The following VAT1L variants were observed in gnomAD, a reference collection of about 807,000 sequenced individuals.
VAT1L encodes putative NADPH-dependent quinone oxidoreductase VAT1L.
A neutral mutation model predicts 44.1 loss-of-function variants in VAT1L; 34 were observed. The ratio of observed to expected loss-of-function variants is 0.77; its 90% CI spans 0.59 to 1.03. The LOEUF (loss-of-function observed/expected upper bound fraction) is 1.03. VAT1L is among the 50% of genes least tolerant of loss of function. VAT1L has a pLI of 0.00. For missense variants in VAT1L, 615 were observed against 538.8 expected (o/e 1.14, Z -1.40); for synonymous variants, 253 against 202.2 (o/e 1.25, Z -2.13).
Position 77,914,239 on chromosome 16 carries a change from A to G in VAT1L, c.1077+29437A>G, listed in dbSNP as rs184854110. ...TATAAACTAATGATTTAAAATATGT[A>G]TTAAAAACAAATGGAATAATCATTT... On this transcript the variant is annotated intron_variant, in intron 7 of 8. Coordinates refer to ENST00000302536, the MANE Select transcript of VAT1L (RefSeq NM_020927.3). Among the ~76,000 whole-genome samples, 182 of 152,372 alleles carry G rather than the reference A, an allele frequency of 1.2e-3. 2 individuals carry two copies. The highest frequency in any genetic ancestry group is 3.0e-3 in the Admixed American group (46 of 15,312).
At chr16:77,949,461 T>A (rs1298905205) in intron 7 of VAT1L, among the ~76,000 whole-genome samples, 2 of 152,214 alleles carry the variant, frequency 1.3e-5, no homozygotes, top group Non-Finnish European at 1.5e-5. Context: ...AAACCTCATG[T>A]GGAAATTTGA....
intron 3 of VAT1L, among the ~76,000 whole-genome samples, chr16:77,852,395 A>G (rs1429213463): frequency 6.6e-6 from 1 of 152,204 alleles, no homozygotes; most frequent in Admixed American, 6.5e-5. Context: ...GGATCTGATC[A>G]GGCGTCTCGG....
intron 7 of VAT1L, among the ~76,000 whole-genome samples, chr16:77,946,276 G>GCTCTTT (rs1441996306): frequency 3.0e-5 from 1 of 33,862 alleles, no homozygotes; most frequent in Non-Finnish European, 5.7e-5. Context: ...TAGGTTACTT[G>GCTCTTT]TTCTTTTTTT....
At position 77,910,703 on chromosome 16, in the gene VAT1L, G is replaced by T. The variant is rs142168878; in HGVS notation, c.1077+25901G>T. ...AAAAAAAAAAAAAAAAGAAAGAAAA[G>T]AAAAGAAAAGAATACACTAGGCATC... On this transcript the variant is annotated intron_variant, in intron 7 of 8. Coordinates refer to ENST00000302536, the MANE Select transcript of VAT1L (RefSeq NM_020927.3). 1.2e-3 allele frequency among the ~76,000 whole-genome samples: 169 copies of T among 144,616 alleles called. 2 individuals are homozygous for T. In the East Asian group the frequency reaches 0.031, roughly 26 times the overall value. The allele number at this position is 144,616 out of a possible 152,430, so 94.9% of individuals were successfully genotyped here. A position where few individuals can be genotyped will look rare whatever the true frequency, so the allele number is the denominator to read the frequency against.
rs2018363299 is a variant in VAT1L at position 77,978,337 on chromosome 16, A to G, written c.*642A>G. On this transcript the variant is annotated 3_prime_UTR_variant, in exon 9 of 9. Transcript: ENST00000302536. ...TATCTGTAAACACAGGGAGGCAGGT[A>G]TGGATTTTTCACAGTAGACAATGGG... The G allele has an allele frequency of 6.6e-6, 1 of 152,360 alleles. No homozygotes were observed. Among genetic ancestry groups the G allele is most frequent in the Non-Finnish European group, 1.5e-5 (1 of 68,168 alleles). The allele number at this position is 152,360 out of a possible 1,614,324, so 9.4% of individuals were successfully genotyped here. A position where few individuals can be genotyped will look rare whatever the true frequency, so the allele number is the denominator to read the frequency against.
intron 7 of VAT1L, among the ~76,000 whole-genome samples, chr16:77,962,277 T>G (rs2018167874): frequency 6.6e-6 from 1 of 152,146 alleles, no homozygotes; most frequent in Non-Finnish European, 1.5e-5. Context: ...CATGTGGTCT[T>G]GGGGCCATTT....
intron 4 of VAT1L, among the ~76,000 whole-genome samples, chr16:77,863,102 T>TTGGAAAG: frequency 6.6e-6 from 1 of 152,194 alleles, no homozygotes; most frequent in East Asian, 1.9e-4. Context: ...ATCGGCTAAC[T>TTGGAAAG]TGGAAAGTTA....
At chr16:77,805,639 C>T (rs1323801826) in intron 1 of VAT1L, among the ~76,000 whole-genome samples, 1 of 151,128 alleles carries the variant, frequency 6.6e-6, no homozygotes, top group African/African-American at 2.4e-5. Context: ...AAATGCAGGA[C>T]TGGTTAAAGT....
intron 3 of VAT1L, among the ~76,000 whole-genome samples, chr16:77,852,384 G>A (rs1011457200): frequency 2.1e-4 from 32 of 152,242 alleles, no homozygotes; most frequent in African/African-American, 7.7e-4. Flanking sequence ...CCAGCTGAGG[G>A]GGATCTGATC....
Position 77,825,274 on chromosome 16 carries a change from A to G in VAT1L, c.392A>G (p.Asn131Ser), listed in dbSNP as rs1027490278. The G allele has an allele frequency of 6.2e-6, 10 of 1,613,974 alleles. No individual in the cohort carries two copies. Among genetic ancestry groups the G allele is most frequent in the East Asian group, 2.2e-5 (1 of 44,880 alleles). The change falls in exon 3 of 9, where the codon AAT becomes AGT. Residue 131 changes from asparagine (N) to serine (S), a missense_variant. Coordinates refer to ENST00000302536, the MANE Select transcript of VAT1L (RefSeq NM_020927.3). ...EIGDRVMAFVNYNAWAEVVCT... is the reference protein window; with the variant it reads ...EIGDRVMAFVSYNAWAEVVCT... Reference sequence around the variant, plus strand: ...GGAGACCGTGTCATGGCATTTGTCAATTACAATGCCTGGGCAGAGGTGGTC... The same window carrying G: ...GGAGACCGTGTCATGGCATTTGTCAGTTACAATGCCTGGGCAGAGGTGGTC...
chr16:77,826,463 A>C (rs1032994899), intron 3 of VAT1L, among the ~76,000 whole-genome samples: 1 of 152,252 alleles, frequency 6.6e-6, no homozygotes, highest in African/African-American at 2.4e-5. Context: ...GTACCAGCAC[A>C]CTAGAAATCA....
Position 77,876,372 on chromosome 16 carries a change from T to C in VAT1L, c.725T>C (p.Ile242Thr). 6.2e-7 allele frequency: 1 copy of C among 1,614,120 alleles called. No individual in the cohort carries two copies. The highest frequency in any genetic ancestry group is 8.5e-7 in the Non-Finnish European group (1 of 1,179,996). The change falls in exon 5 of 9, where the codon ATC becomes ACC. Residue 242 changes from isoleucine (I) to threonine (T), a missense_variant and splice_region_variant. By Grantham distance (89) the Ile-to-Thr change is moderately conservative. Transcript: ENST00000302536. ...TGCTTTGCCTTCTCACCATTTAGAA[T>C]CTCTGCTGAAGGTGTGGACATCGTT... ...NADYVQEVKR[I>T]SAEGVDIVLD...
At chr16:77,825,592 T>A in intron 3 of VAT1L, 131 bp downstream of exon 3, 1 of 1,062,940 alleles carries the variant, frequency 9.4e-7, no homozygotes, top group Non-Finnish European at 1.4e-6. Flanking sequence ...AGAGTTCACA[T>A]GGACAGCAAA....
At chr16:77,930,651 T>G (rs920927507) in intron 7 of VAT1L, among the ~76,000 whole-genome samples, 3 of 152,208 alleles carry the variant, frequency 2.0e-5, no homozygotes, top group African/African-American at 7.2e-5. Context: ...ATTTGGTGGT[T>G]GGATAATCCT....
chr16:77,854,561 G>A (rs897816371), intron 3 of VAT1L, among the ~76,000 whole-genome samples: 12 of 152,154 alleles, frequency 7.9e-5, no homozygotes, highest in South Asian at 2.1e-4. Flanking sequence ...TAAGAAAAAC[G>A]TAAGTATGGC....
intron 7 of VAT1L, among the ~76,000 whole-genome samples, chr16:77,927,552 G>C (rs982261655): frequency 1.3e-5 from 2 of 152,008 alleles, no homozygotes; most frequent in African/African-American, 4.8e-5. Context: ...ATTTGCATCA[G>C]GCCGCCTGTC....
intron 3 of VAT1L, among the ~76,000 whole-genome samples, chr16:77,844,512 G>A (rs2016739098): frequency 6.6e-6 from 1 of 152,176 alleles, no homozygotes; most frequent in South Asian, 2.1e-4. Context: ...AGGTTCAAGT[G>A]ATTCTCCCCC....
At chr16:77,852,358 C>T (rs1484123904) in intron 3 of VAT1L, among the ~76,000 whole-genome samples, 2 of 152,190 alleles carry the variant, frequency 1.3e-5, no homozygotes, top group Admixed American at 6.5e-5. Flanking sequence ...TCCGTGAGGA[C>T]GGGGTGTCAG....
chr16:77,807,066 C>G (rs1036705062), intron 1 of VAT1L, among the ~76,000 whole-genome samples: 11 of 152,190 alleles, frequency 7.2e-5, no homozygotes, highest in Non-Finnish European at 2.9e-5. Context: ...TGCCTTTGCA[C>G]CATTTGTTAT....
Sources: gnomAD v4.1 joint callset for allele counts (sites outside exome capture counted in the v4.1 genomes callset) on GRCh38, gnomAD v4.1.1 for gene constraint, MANE v1.5 for transcripts, NCBI Gene and HGNC (gene_info 2026-07-23, HGNC 2026-07-21) for gene names.